The following OS9 variants were observed in gnomAD, a reference collection of about 807,000 sequenced individuals.
OS9 encodes the protein OS9 endoplasmic reticulum lectin.
Under a neutral mutation model 84.7 loss-of-function variants are expected in OS9, and 58 were observed. That is an observed-to-expected ratio of 0.68 (90% CI 0.55 to 0.85). The LOEUF is 0.85. OS9 is among the 40% of genes least tolerant of loss of function. OS9 has a pLI of 0.00. For missense variants in OS9, 760 were observed against 850.9 expected, an observed-to-expected ratio of 0.89 and a Z score of 1.33; for synonymous variants, 278 against 320.8, an observed-to-expected ratio of 0.87 and a Z score of 1.43.
chr12:57,720,929 C>A lies in OS9; in HGVS notation c.*20C>A. The A allele has an allele frequency of 6.2e-7, 1 of 1,613,848 alleles. No individual in the cohort carries two copies. The highest frequency in any genetic ancestry group is 8.5e-7 in the Non-Finnish European group (1 of 1,179,834). On this transcript the variant is annotated 3_prime_UTR_variant, in exon 15 of 15. Coordinates refer to ENST00000315970, the MANE Select transcript of OS9 (RefSeq NM_006812.4). ...TTCTGAGACCAACACTACACTTGACCCTTCACGGAATCCAGACTCTTCCTG... is the reference window on the plus strand; with the variant it reads ...TTCTGAGACCAACACTACACTTGACACTTCACGGAATCCAGACTCTTCCTG...
In OS9 at chr12:57,716,713, G is replaced by T; in HGVS notation, c.1014G>T (p.Glu338Asp). The change falls in exon 9 of 15, where the codon GAG (glutamate) becomes GAT (aspartate). Residue 338 changes from glutamate (E) to aspartate (D), a missense_variant. By Grantham distance (45) the Glu-to-Asp change is conservative. Transcript: ENST00000315970. ...GTCAGGAGCAGGACCCAAGCCCTGAGGCAGCAGATTCAGCTTCTGGTGCTC... is the reference window on the plus strand; with the variant it reads ...GTCAGGAGCAGGACCCAAGCCCTGATGCAGCAGATTCAGCTTCTGGTGCTC... ...VPAEEQDPSPEAADSASGAPN... is the reference protein window; with the variant it reads ...VPAEEQDPSPDAADSASGAPN... The T allele has an allele frequency of 6.2e-7, 1 of 1,614,092 alleles. No individual in the cohort carries two copies. Among genetic ancestry groups the T allele is most frequent in the Non-Finnish European group, 8.5e-7 (1 of 1,179,974 alleles).
At chr12:57,707,982 A>C (rs1314206870) in intron 5 of OS9, among the ~76,000 whole-genome samples, 1 of 150,972 alleles carries the variant, frequency 6.6e-6, no homozygotes, top group Admixed American at 6.6e-5. Context: ...GGTCCCAGCT[A>C]CTTGGGAGGC....
At position 57,716,100 on chromosome 12, in the gene OS9, C is replaced by A; in HGVS notation, c.799C>A (p.Gln267Lys). The A allele has an allele frequency of 1.2e-6, 2 of 1,613,260 alleles. No individual in the cohort carries two copies. Among genetic ancestry groups the A allele is most frequent in the Non-Finnish European group, 8.5e-7 (1 of 1,179,334 alleles). Residue 267 changes from glutamine to lysine, a missense_variant, in exon 7 of 15, where the codon CAG (glutamine) becomes AAG (lysine). Physicochemically the swap from Gln to Lys is moderately conservative, Grantham distance 53. Transcript: ENST00000315970. ...ATGCTGTTTCTCAGTAGACTCAAAG[C>A]AGTATGGAGATAAAATCATAGAGGA... The part of the protein sequence containing the change: ...AYVQRQADSK[Q>K]YGDKIIEELQ...
In OS9 at chr12:57,694,226, C is replaced by A. The variant is rs769460152; in HGVS notation, c.65C>A (p.Ala22Glu). 6.2e-7 allele frequency: 1 copy of A among 1,614,160 alleles called. No individual in the cohort carries two copies. The change falls in exon 1 of 15, where the codon GCA (alanine) becomes GAA (glutamate). Residue 22 changes from alanine (A) to glutamate (E), a missense_variant. Transcript: ENST00000315970. ...CTGCTTCTGGGACTCCTGTTACCCGCAAGTCTGACCGGCGGTGTCGGGAGC... is the reference window on the plus strand; with the variant it reads ...CTGCTTCTGGGACTCCTGTTACCCGAAAGTCTGACCGGCGGTGTCGGGAGC... ...GLLLLGLLLP[A>E]SLTGGVGSLN...
intron 5 of OS9, among the ~76,000 whole-genome samples, chr12:57,700,589 G>A (rs966391194): frequency 2.0e-5 from 3 of 152,270 alleles, no homozygotes; most frequent in South Asian, 2.1e-4. Flanking sequence ...TAGGAACAGC[G>A]TGCATGTTGT....
intron 5 of OS9, among the ~76,000 whole-genome samples, chr12:57,703,164 T>A (rs1427625625): frequency 6.6e-6 from 1 of 152,246 alleles, no homozygotes; most frequent in Non-Finnish European, 1.5e-5. Flanking sequence ...CAAGCGATTC[T>A]CCTGCATCAG....
chr12:57,720,634 G>T lies in OS9; in HGVS notation c.1878+116G>T. ...TTTCCTGATCTGTAAGACAAGGCTG[G>T]GGTTCCAGTGGCTCAGAGTGCTGCC... On this transcript the variant is annotated intron_variant, in intron 14 of 14. Coordinates refer to ENST00000315970, the MANE Select transcript of OS9 (RefSeq NM_006812.4). 4.0e-6 allele frequency: 5 copies of T among 1,265,318 alleles called. No individual in the cohort carries two copies. In the South Asian group the frequency reaches 6.5e-5, roughly 16 times the overall value. The allele number at this position is 1,265,318 out of a possible 1,614,324, so 78.4% of individuals were successfully genotyped here. A position where few individuals can be genotyped will look rare whatever the true frequency, so the allele number is the denominator to read the frequency against.
At chr12:57,712,023 A>G (rs1370211042) in intron 5 of OS9, among the ~76,000 whole-genome samples, 2 of 152,228 alleles carry the variant, frequency 1.3e-5, no homozygotes, top group Non-Finnish European at 2.9e-5. Context: ...TTTATTACAG[A>G]AACTTAAAAA....
At position 57,716,074 on chromosome 12, in the gene OS9, C is replaced by T. The variant is rs1373539186; in HGVS notation, c.791-18C>T. On this transcript the variant is annotated intron_variant, in intron 6 of 14. Coordinates refer to ENST00000315970, the MANE Select transcript of OS9 (RefSeq NM_006812.4). Reference sequence around the variant, plus strand: ...GAGGAATGTGTTCCTGGCCTGCTTGCATGCTGTTTCTCAGTAGACTCAAAG... The same window carrying T: ...GAGGAATGTGTTCCTGGCCTGCTTGTATGCTGTTTCTCAGTAGACTCAAAG... 1 of 1,605,772 alleles carries T rather than the reference C, an allele frequency of 6.2e-7. No homozygotes were observed. The highest frequency in any genetic ancestry group is 1.3e-5 in the African/African-American group (1 of 74,710).
At position 57,694,737 on chromosome 12, in the gene OS9, C is replaced by T. The variant is rs1953773116; in HGVS notation, c.163-13C>T. 1.2e-6 allele frequency: 2 copies of T among 1,613,194 alleles called. No homozygotes were observed. The highest frequency in any genetic ancestry group is 2.2e-5 in the East Asian group (1 of 44,880). The stretch of plus-strand genomic sequence containing the variant: ...TTTGCTTCCTTGCCCCCCGACCCTC[C>T]CTTCTTTCCCAGAGCCAATCTTCGG... On this transcript the variant is annotated splice_polypyrimidine_tract_variant and intron_variant, in intron 1 of 14. Coordinates refer to ENST00000315970, the MANE Select transcript of OS9 (RefSeq NM_006812.4).
intron 5 of OS9, among the ~76,000 whole-genome samples, chr12:57,712,707 C>T (rs886922891): frequency 1.3e-5 from 2 of 152,066 alleles, no homozygotes; most frequent in African/African-American, 4.8e-5. Context: ...TTCCTGCCCT[C>T]CACCCCATGG....
At chr12:57,697,224 C>T (rs1167503580) in intron 5 of OS9, among the ~76,000 whole-genome samples, 3 of 152,200 alleles carry the variant, frequency 2.0e-5, no homozygotes, top group African/African-American at 7.2e-5. Context: ...CCATGATGCG[C>T]AAGTCAAATG....
chr12:57,708,051 C>T (rs139460031), intron 5 of OS9, among the ~76,000 whole-genome samples: 2 of 152,040 alleles, frequency 1.3e-5, no homozygotes, highest in East Asian at 3.9e-4. Flanking sequence ...TATGAACACA[C>T]CACTGCACTC....
Position 57,716,421 on chromosome 12 carries a change from C to G in OS9, c.902C>G (p.Pro301Arg). The part of the protein sequence containing the change: ...VAPQKMAGAS[P>R]TKDDSKDSDF... ...GTTCTCTGTACCCTAGGTGCGAGCC[C>G]GACCAAGGATGACAGTAAGGACTCA... The change falls in exon 8 of 15, where the codon CCG becomes CGG. Residue 301 changes from proline to arginine, a missense_variant. Physicochemically the swap from Pro to Arg is moderately radical, Grantham distance 103 (BLOSUM62 -2). Transcript: ENST00000315970. 6.4e-7 allele frequency: 1 copy of G among 1,556,550 alleles called. No individual in the cohort carries two copies. Among genetic ancestry groups the G allele is most frequent in the African/African-American group, 1.4e-5 (1 of 73,548 alleles).
rs1194082774 is a variant in OS9, at chr12:57,718,087, C to T, written c.1135-59C>T. The T allele has an allele frequency of 8.3e-6, 13 of 1,572,298 alleles. No homozygotes were observed. In the East Asian group the frequency reaches 1.8e-4, roughly 22 times the overall value. On this transcript the variant is annotated intron_variant, in intron 10 of 14. Transcript: ENST00000315970. ...ACACCTGCTACTGTTTGTCTGCCCCCGACCATGTGTCTCTGTTGAAACCCC... is the reference window on the plus strand; with the variant it reads ...ACACCTGCTACTGTTTGTCTGCCCCTGACCATGTGTCTCTGTTGAAACCCC...
At chr12:57,695,724 T>G in intron 2 of OS9, 56 bp from the exon 3 acceptor site, 3 of 1,133,452 alleles carry the variant, frequency 2.6e-6, no homozygotes, top group African/African-American at 1.5e-5. Flanking sequence ...AGACTCTGGT[T>G]CCAAGAAAAG....
chr12:57,712,865 C>T (rs1358790595), intron 5 of OS9, among the ~76,000 whole-genome samples: 2 of 151,870 alleles, frequency 1.3e-5, no homozygotes, highest in African/African-American at 2.4e-5. Flanking sequence ...TTTCAGCAGG[C>T]TTTTTGACTG....
At chr12:57,719,254 G>A (rs1401685835) in intron 12 of OS9, 72 bp downstream of exon 12, 3 of 1,361,204 alleles carry the variant, frequency 2.2e-6, no homozygotes, top group Non-Finnish European at 3.1e-6. Flanking sequence ...TGTTCCCAGA[G>A]GGGACCCTGT....
In OS9 at chr12:57,716,721, A is replaced by T. The variant is rs779112463; in HGVS notation, c.1022A>T (p.Asp341Val). ...CAGGACCCAAGCCCTGAGGCAGCAG[A>T]TTCAGCTTCTGGTGCTCCCAATGGT... Reference protein sequence around the residue: ...EEQDPSPEAADSASGAPNDFQ... With the variant: ...EEQDPSPEAAVSASGAPNDFQ... The change falls in exon 9 of 15, where the codon GAT (aspartate) becomes GTT (valine). Residue 341 changes from aspartate (D) to valine (V), a missense_variant. By Grantham distance (152) the Asp-to-Val change is radical. Transcript: ENST00000315970. 6.2e-7 allele frequency: 1 copy of T among 1,614,066 alleles called. No homozygotes were observed. Among genetic ancestry groups the T allele is most frequent in the Non-Finnish European group, 8.5e-7 (1 of 1,179,952 alleles).
Sources: allele counts gnomAD v4.1 joint callset (sites outside exome capture counted in the v4.1 genomes callset), GRCh38; gene constraint gnomAD v4.1.1; transcripts MANE v1.5; gene names NCBI Gene and HGNC (gene_info 2026-07-23, HGNC 2026-07-21).